Variants in TAF4B observed in about 807,000 individuals in gnomAD.
TAF4B encodes the protein TATA-box binding protein associated factor 4b.
A neutral mutation model predicts 86.4 loss-of-function variants in TAF4B; 38 were observed. The observed-to-expected ratio is 0.44, with a 90% CI of 0.34 to 0.58. The LOEUF is 0.58. Ranked by LOEUF, TAF4B falls within the 20% of genes least tolerant of loss-of-function variation. The pLI, the probability that TAF4B is intolerant of heterozygous loss-of-function variation, is 0.02. For synonymous variants in TAF4B, 388 were observed against 391.2 expected (o/e 0.99, Z 0.10); for missense variants, 988 against 1,027.6 (o/e 0.96, Z 0.53).
At chr18:26,321,996 G>A (rs893489360) in intron 11 of TAF4B, among the ~76,000 whole-genome samples, 5 of 152,132 alleles carry the variant, frequency 3.3e-5, no homozygotes, top group Admixed American at 1.3e-4. Context: ...ATAACTTGAT[G>A]TAGTTTTGGA....
intron 1 of TAF4B, among the ~76,000 whole-genome samples, chr18:26,242,680 C>G (rs12456302): frequency 6.6e-6 from 1 of 152,100 alleles, no homozygotes; most frequent in South Asian, 2.1e-4. Context: ...TTCCTAGCAT[C>G]GATGGTCTTT....
chr18:26,357,179 A>C (rs189467368), intron 13 of TAF4B, among the ~76,000 whole-genome samples: 7 of 152,198 alleles, frequency 4.6e-5, no homozygotes, highest in African/African-American at 1.7e-4. Flanking sequence ...TACTGTCTCC[A>C]TTAATAAAAA....
intron 11 of TAF4B, among the ~76,000 whole-genome samples, chr18:26,324,462 A>G (rs137972625): frequency 2.0e-5 from 3 of 152,314 alleles, no homozygotes; most frequent in African/African-American, 7.2e-5. Flanking sequence ...AAAACATAAT[A>G]AGTATAATTT....
intron 12 of TAF4B, among the ~76,000 whole-genome samples, chr18:26,330,827 T>C (rs964947722): frequency 6.6e-6 from 1 of 152,198 alleles, no homozygotes; most frequent in Non-Finnish European, 1.5e-5. Flanking sequence ...ATTTAACTTA[T>C]GTCCTCTATC....
chr18:26,310,066 G>T (rs374117745), intron 9 of TAF4B, among the ~76,000 whole-genome samples: 1 of 152,220 alleles, frequency 6.6e-6, no homozygotes, highest in South Asian at 2.1e-4. Context: ...CAGGAGACAC[G>T]CCCACCTCGG....
At chr18:26,330,533 G>A (rs2057041876) in intron 12 of TAF4B, among the ~76,000 whole-genome samples, 1 of 152,030 alleles carries the variant, frequency 6.6e-6, no homozygotes, top group South Asian at 2.1e-4. Flanking sequence ...TAGGTCATAC[G>A]GTATACTCAT....
intron 1 of TAF4B, among the ~76,000 whole-genome samples, chr18:26,260,827 C>G (rs2056154668): frequency 6.6e-6 from 1 of 152,126 alleles, no homozygotes. Flanking sequence ...ATGTATCACA[C>G]CTTTCTTCTT....
At chr18:26,330,266 C>T in intron 12 of TAF4B, among the ~76,000 whole-genome samples, 1 of 152,166 alleles carries the variant, frequency 6.6e-6, no homozygotes, top group Non-Finnish European at 1.5e-5. Flanking sequence ...AATGATTTCT[C>T]TTTGTCTCAA....
chr18:26,302,909 C>T (rs1294941945), intron 9 of TAF4B, among the ~76,000 whole-genome samples: 1 of 151,794 alleles, frequency 6.6e-6, no homozygotes, highest in Admixed American at 6.6e-5. Flanking sequence ...TCTTTTTTAT[C>T]TCTATTTCAT....
intron 3 of TAF4B, among the ~76,000 whole-genome samples, chr18:26,269,117 C>T (rs1445564058): frequency 1.3e-5 from 2 of 152,116 alleles, no homozygotes; most frequent in African/African-American, 2.4e-5. Context: ...CCACCGCACC[C>T]GACTCTTAGT....
At chr18:26,237,331 C>T (rs1016967722) in intron 1 of TAF4B, among the ~76,000 whole-genome samples, 1 of 152,152 alleles carries the variant, frequency 6.6e-6, no homozygotes, top group Non-Finnish European at 1.5e-5. Flanking sequence ...TGCCCTAGAC[C>T]CTGTAGGACA....
chr18:26,264,226 A>G (rs1052201538), intron 1 of TAF4B, among the ~76,000 whole-genome samples: 1 of 152,110 alleles, frequency 6.6e-6, no homozygotes, highest in Non-Finnish European at 1.5e-5. Context: ...ATCACCTGGG[A>G]TCAGGGATTT....
chr18:26,238,818 C>G (rs2055790534), intron 1 of TAF4B, among the ~76,000 whole-genome samples: 1 of 152,090 alleles, frequency 6.6e-6, no homozygotes, highest in Non-Finnish European at 1.5e-5. Context: ...CAATTCTCAC[C>G]TATGAGATAG....
intron 11 of TAF4B, among the ~76,000 whole-genome samples, chr18:26,325,653 T>A (rs1325199425): frequency 1.3e-5 from 2 of 152,196 alleles, no homozygotes; most frequent in Non-Finnish European, 2.9e-5. Flanking sequence ...CTGTCCTTTT[T>A]AAATTAAATC....
chr18:26,251,735 G>T (rs1423500942), intron 1 of TAF4B, among the ~76,000 whole-genome samples: 1 of 152,210 alleles, frequency 6.6e-6, no homozygotes, highest in East Asian at 1.9e-4. Context: ...TCAGAGAAGA[G>T]ACTAACATTC....
Position 26,292,375 on chromosome 18 carries a change from C to T in TAF4B, c.1720C>T (p.Pro574Ser). The change falls in exon 8 of 15, where the codon CCT (proline) becomes TCT (serine). Residue 574 changes from proline (P) to serine (S), a missense_variant. By Grantham distance (74) the Pro-to-Ser change is moderately conservative (BLOSUM62 -1). This residue lies in a region of TAF4B where 747 missense variants were observed against 737.9 expected (regional missense o/e 1.01). Transcript: ENST00000269142. ...VNTIIPTSQF[P>S]PASILKQITL... Reference sequence around the variant, plus strand: ...CACCATAATACCTACTAGTCAGTTTCCTCCAGGTAGATGCTGGTCCATCTC... The same window carrying T: ...CACCATAATACCTACTAGTCAGTTTTCTCCAGGTAGATGCTGGTCCATCTC... 6.2e-7 allele frequency: 1 copy of T among 1,612,228 alleles called. No individual in the cohort carries two copies.
At chr18:26,315,132 C>CTG (rs1568147847) in intron 9 of TAF4B, 97 bp from the exon 10 acceptor site, 54 of 322,134 alleles carry the variant, frequency 1.7e-4, no homozygotes, top group African/African-American at 1.6e-3. Context: ...CTCTCTCTCT[C>CTG]TCTCTCTCTC....
At chr18:26,357,663 T>G in intron 13 of TAF4B, 27 bp from the exon 14 acceptor site, 1 of 1,513,178 alleles carries the variant, frequency 6.6e-7, no homozygotes, top group Non-Finnish European at 9.1e-7. Flanking sequence ...TGTATAAACA[T>G]TGATATTTTT....
chr18:26,354,292 C>G (rs985173889), intron 13 of TAF4B, among the ~76,000 whole-genome samples: 18 of 152,108 alleles, frequency 1.2e-4, no homozygotes, highest in Admixed American at 1.0e-3. Flanking sequence ...CAGGCTGGTG[C>G]GAACTCCTGA....
Sources: gnomAD v4.1 joint callset for allele counts (sites outside exome capture counted in the v4.1 genomes callset) on GRCh38, gnomAD v4.1.1 for gene constraint, gnomAD v4.1.1 regional missense constraint, MANE v1.5 for transcripts, NCBI Gene and HGNC (gene_info 2026-07-23, HGNC 2026-07-21) for gene names.